Variants in BAHD1 observed in about 807,000 individuals in gnomAD.
BAHD1 encodes the protein bromo adjacent homology domain-containing 1 protein.
Under a neutral mutation model 63.1 loss-of-function variants are expected in BAHD1, and 20 were observed. The ratio of observed to expected loss-of-function variants is 0.32; its 90% CI spans 0.22 to 0.46. BAHD1 has a LOEUF of 0.46. BAHD1 is among the 20% of genes least tolerant of loss of function. BAHD1 has a pLI of 1.00. For missense variants in BAHD1, 939 were observed against 1,071.8 expected (o/e 0.88, Z 1.73); for synonymous variants, 408 against 426.8 (o/e 0.96, Z 0.54).
At chr15:40,442,576 A>G (rs1395483342) in intron 1 of BAHD1, among the ~76,000 whole-genome samples, 1 of 152,126 alleles carries the variant, frequency 6.6e-6, no homozygotes, top group African/African-American at 2.4e-5. Context: ...CCCACCTGGG[A>G]CATCTCCTAG....
chr15:40,452,531 G>A lies in BAHD1; in HGVS notation c.-14-5920G>A, dbSNP rs573149948. On this transcript the variant is annotated intron_variant, in intron 1 of 6. Coordinates refer to ENST00000416165, the MANE Select transcript of BAHD1 (RefSeq NM_014952.5). ...GGTCTGTTGGGATAGTTTCTGCCCC[G>A]GCCCTCTTGCTCAGTTGTGGCCCAC... 3.3e-5 allele frequency among the ~76,000 whole-genome samples: 5 copies of A among 152,298 alleles called. No homozygotes were observed. The East Asian group carries it at 7.7e-4, about 24-fold the overall frequency.
intron 1 of BAHD1, among the ~76,000 whole-genome samples, chr15:40,452,276 G>GCT (rs35416242): frequency 2.6e-5 from 4 of 151,764 alleles, no homozygotes; most frequent in Admixed American, 1.3e-4. Flanking sequence ...TGAGGCCCCT[G>GCT]CTCTCTCTCT....
intron 3 of BAHD1, 71 bp from the exon 4 acceptor site, chr15:40,463,790 C>T (rs541613586): frequency 6.5e-7 from 1 of 1,536,086 alleles, no homozygotes; most frequent in African/African-American, 1.4e-5. Flanking sequence ...GAAAGGATGT[C>T]ATTCCCTCTC....
chr15:40,466,020 T>G lies in BAHD1; in HGVS notation c.2233T>G (p.Ser745Ala), dbSNP rs750593257. The change falls in exon 7 of 7, where the codon TCC (serine) becomes GCC (alanine). Residue 745 changes from serine to alanine, a missense_variant. By Grantham distance (99) the Ser-to-Ala change is moderately conservative (BLOSUM62 1). This residue lies in a region of BAHD1 where 68 missense variants were observed against 86.2 expected (regional missense o/e 0.79). Coordinates refer to ENST00000416165, the MANE Select transcript of BAHD1 (RefSeq NM_014952.5). ...TALVPPSADY[S>A]TPPHRTVPED... is the part of the protein sequence containing the mutation. ...ACTGGTTCCCCCCTCTGCAGACTAT[T>G]CCACCCCACCCCACCGCACAGTGCC... 6.2e-7 allele frequency: 1 copy of G among 1,613,972 alleles called. No homozygotes were observed. Among genetic ancestry groups the G allele is most frequent in the East Asian group, 2.2e-5 (1 of 44,854 alleles).
At chr15:40,461,813 G>A (rs1386394663) in intron 2 of BAHD1, 99 bp from the exon 3 acceptor site, 2 of 1,452,204 alleles carry the variant, frequency 1.4e-6, no homozygotes, top group Middle Eastern at 2.5e-4. Context: ...AGTGGCCTTT[G>A]GTTGCACAGT....
At chr15:40,465,531 G>T in intron 6 of BAHD1, 96 bp downstream of exon 6, 2 of 931,844 alleles carry the variant, frequency 2.1e-6, no homozygotes, top group Non-Finnish European at 3.5e-6. Flanking sequence ...ATCTCATTCT[G>T]CTCTCTACCT....
At chr15:40,462,343 A>T in intron 3 of BAHD1, 49 bp downstream of exon 3, 1 of 1,553,778 alleles carries the variant, frequency 6.4e-7, no homozygotes, top group Non-Finnish European at 8.7e-7. Context: ...GGCAGTGGGG[A>T]CACATGACCT....
intron 6 of BAHD1, 50 bp from the exon 7 acceptor site, chr15:40,465,891 T>C (rs768016375): frequency 6.6e-7 from 1 of 1,521,982 alleles, no homozygotes; most frequent in Non-Finnish European, 8.8e-7. Context: ...GGAATTGGTC[T>C]TCCTGCAAAA....
chr15:40,438,867 C>T (rs77556692), upstream of BAHD1, among the ~76,000 whole-genome samples: 2 of 152,232 alleles, frequency 1.3e-5, no homozygotes, highest in Non-Finnish European at 2.9e-5. Context: ...GTCAGCGCCG[C>T]CTGGGCTGCA....
chr15:40,460,497 A>G (rs1894007215), intron 2 of BAHD1, among the ~76,000 whole-genome samples: 2 of 152,134 alleles, frequency 1.3e-5, no homozygotes, highest in Admixed American at 1.3e-4. Context: ...AGGGTGCACC[A>G]TGAGAACAGA....
chr15:40,459,318 C>T lies in BAHD1; in HGVS notation c.854C>T (p.Ser285Phe). Residue 285 changes from serine (S) to phenylalanine (F), a missense_variant, in exon 2 of 7, where the codon TCT becomes TTT. Ser to Phe is a radical substitution (Grantham distance 155). Coordinates refer to ENST00000416165, the MANE Select transcript of BAHD1 (RefSeq NM_014952.5). Reference sequence around the variant, plus strand: ...GGCTGCCCTGATGAACCATGGCCATCTGCAACTCCTTGTGGGCCATCCGTC... The same window carrying T: ...GGCTGCCCTGATGAACCATGGCCATTTGCAACTCCTTGTGGGCCATCCGTC... Reference protein sequence around the residue: ...WQGCPDEPWPSATPCGPSVQP... With the variant: ...WQGCPDEPWPFATPCGPSVQP... 6.2e-7 allele frequency: 1 copy of T among 1,613,082 alleles called. No homozygotes were observed. The highest frequency in any genetic ancestry group is 8.5e-7 in the Non-Finnish European group (1 of 1,180,018).
At chr15:40,442,329 C>T (rs953226489) in intron 1 of BAHD1, among the ~76,000 whole-genome samples, 3 of 151,926 alleles carry the variant, frequency 2.0e-5, no homozygotes, top group African/African-American at 7.3e-5. Context: ...CCGGGAGGAG[C>T]TGCGGCACTG....
chr15:40,443,261 C>G, intron 1 of BAHD1: 4 of 985,336 alleles, frequency 4.1e-6, no homozygotes, highest in Non-Finnish European at 3.6e-6. Flanking sequence ...TCATGGCCAC[C>G]CCCCATGGAC....
intron 1 of BAHD1, among the ~76,000 whole-genome samples, chr15:40,445,465 T>C (rs148548847): frequency 1.3e-5 from 2 of 152,342 alleles, no homozygotes; most frequent in Admixed American, 6.5e-5. Flanking sequence ...CCAGGAGGAC[T>C]TGTGTGTTTT....
At chr15:40,443,421 T>G in intron 1 of BAHD1, 3 of 588,190 alleles carry the variant, frequency 5.1e-6, no homozygotes, top group Non-Finnish European at 6.4e-6. Context: ...TCAAGGCCTT[T>G]GTGCCTTCTG....
At chr15:40,457,360 G>A (rs2141516616) in intron 1 of BAHD1, among the ~76,000 whole-genome samples, 1 of 152,162 alleles carries the variant, frequency 6.6e-6, no homozygotes, top group South Asian at 2.1e-4. Context: ...CCTTTGGGCT[G>A]CTCTTGCCTG....
chr15:40,450,500 G>A (rs908231301), intron 1 of BAHD1, among the ~76,000 whole-genome samples: 1 of 152,254 alleles, frequency 6.6e-6, no homozygotes, highest in Non-Finnish European at 1.5e-5. Context: ...GGTGCTTGGA[G>A]AAGGCTGGTG....
chr15:40,464,388 C>A, intron 4 of BAHD1, 83 bp from the exon 5 acceptor site: 4 of 1,257,874 alleles, frequency 3.2e-6, no homozygotes, highest in East Asian at 2.5e-5. Flanking sequence ...GGATGAACCT[C>A]CAGGGCAGCC....
intron 2 of BAHD1, among the ~76,000 whole-genome samples, 163 bp downstream of exon 2, chr15:40,460,059 C>T (rs939062677): frequency 2.6e-5 from 4 of 152,066 alleles, no homozygotes; most frequent in African/African-American, 7.2e-5. Context: ...TGCCCCAAGC[C>T]GAGGAGCATT....
Sources: gnomAD v4.1 joint callset for allele counts (sites outside exome capture counted in the v4.1 genomes callset) on GRCh38, gnomAD v4.1.1 for gene constraint, gnomAD v4.1.1 regional missense constraint, MANE v1.5 for transcripts, NCBI Gene and HGNC (gene_info 2026-07-23, HGNC 2026-07-21) for gene names.